The following ANKFN1 variants were observed in gnomAD, a reference collection of about 807,000 sequenced individuals.
ANKFN1 encodes the protein ankyrin repeat and fibronectin type-III domain-containing protein 1.
A neutral mutation model predicts 108.7 loss-of-function variants in ANKFN1; 74 were observed. The ratio of observed to expected loss-of-function variants is 0.68; its 90% CI spans 0.56 to 0.83. ANKFN1 has a LOEUF of 0.83. Ranked by LOEUF, ANKFN1 falls within the 40% of genes least tolerant of loss-of-function variation. The pLI is 0.00. For missense variants in ANKFN1, 1,505 were observed against 1,382.3 expected (o/e 1.09, Z -1.41); for synonymous variants, 547 against 516.2 (o/e 1.06, Z -0.81).
Position 56,456,653 on chromosome 17 carries a change from C to T in ANKFN1, c.1208-208C>T, listed in dbSNP as rs555590707. On this transcript the variant is annotated intron_variant, in intron 11 of 20. Coordinates refer to ENST00000682825, the MANE Select transcript of ANKFN1 (RefSeq NM_001370326.1). Reference sequence around the variant, plus strand: ...CCTCGTGATCCGCCCCCCTCGGCCTCCCAAAGTACTGGGATTACCAGCGAG... The same window carrying T: ...CCTCGTGATCCGCCCCCCTCGGCCTTCCAAAGTACTGGGATTACCAGCGAG... 2.0e-5 allele frequency among the ~76,000 whole-genome samples: 3 copies of T among 152,062 alleles called. No individual in the cohort carries two copies. In the East Asian group the frequency reaches 5.8e-4, roughly 30 times the overall value.
Position 56,091,609 on chromosome 17 carries a change from A to G in ANKFN1, c.288+45284A>G, listed in dbSNP as rs1242423741. Among the ~76,000 whole-genome samples the G allele has an allele frequency of 3.3e-5, 5 of 151,440 alleles. No homozygotes were observed. The East Asian group carries it at 9.6e-4, about 29-fold the overall frequency. Reference sequence around the variant, plus strand: ...TATCAAGAAATGTTTTTCTCTGAAAAGAAGTGAACACTGTGTTCAAAGCAT... The same window carrying G: ...TATCAAGAAATGTTTTTCTCTGAAAGGAAGTGAACACTGTGTTCAAAGCAT... On this transcript the variant is annotated intron_variant, in intron 4 of 12. Coordinates refer to the ANKFN1 transcript ENST00000635860.
rs1302949357 is a variant in ANKFN1, at chr17:56,440,423, T to C, written c.1007T>C (p.Met336Thr). Residue 336 changes from methionine to threonine, a missense_variant and splice_region_variant, in exon 9 of 21, where the codon ATG becomes ACG. By Grantham distance (81) the Met-to-Thr change is moderately conservative. Transcript: ENST00000682825. Reference sequence around the variant, plus strand: ...AGATGCACAATCACAGGACTTACAATGGTAAATGTCCCCAGTAGACTTTTC... The same window carrying C: ...AGATGCACAATCACAGGACTTACAACGGTAAATGTCCCCAGTAGACTTTTC... ...TLRCTITGLT[M>T]GQQYFVQVSA... 3.7e-6 allele frequency: 6 copies of C among 1,606,440 alleles called. No homozygotes were observed. The highest frequency in any genetic ancestry group is 5.1e-6 in the Non-Finnish European group (6 of 1,173,886).
intron 20 of ANKFN1, among the ~76,000 whole-genome samples, chr17:56,506,065 ATTTG>A (rs1567713827): frequency 6.6e-5 from 10 of 151,734 alleles, no homozygotes; most frequent in Non-Finnish European, 1.3e-4. Context: ...TTGTTTGTTT[ATTTG>A]TTTTTTATTA....
intron 4 of ANKFN1, among the ~76,000 whole-genome samples, chr17:56,081,359 T>A (rs1208663370): frequency 6.6e-6 from 1 of 150,652 alleles, no homozygotes. Context: ...TATTTATTAT[T>A]TTTATTTTTT....
intron 3 of ANKFN1, among the ~76,000 whole-genome samples, chr17:56,325,833 A>G (rs189582742): frequency 7.6e-4 from 115 of 152,316 alleles, no homozygotes; most frequent in African/African-American, 2.6e-3. Context: ...CTTGGATGCC[A>G]GACAATATTT....
chr17:56,451,281 C>T, intron 11 of ANKFN1, among the ~76,000 whole-genome samples: 1 of 152,130 alleles, frequency 6.6e-6, no homozygotes, highest in Non-Finnish European at 1.5e-5. Flanking sequence ...AACTTTTTCA[C>T]AGTATTAGTA....
chr17:56,505,257 G>A (rs2051515434), intron 20 of ANKFN1, among the ~76,000 whole-genome samples: 2 of 152,174 alleles, frequency 1.3e-5, no homozygotes, highest in Non-Finnish European at 2.9e-5. Context: ...GTTGCTTTTA[G>A]TATTATTTCT....
At chr17:56,243,039 T>G (rs1399174675) in intron 3 of ANKFN1, among the ~76,000 whole-genome samples, 2 of 152,162 alleles carry the variant, frequency 1.3e-5, no homozygotes, top group African/African-American at 2.4e-5. Context: ...TTTTTTAAAA[T>G]GTATTGCTAT....
intron 8 of ANKFN1, among the ~76,000 whole-genome samples, chr17:56,385,825 A>G (rs970213360): frequency 2.0e-5 from 3 of 152,124 alleles, no homozygotes; most frequent in African/African-American, 4.8e-5. Context: ...GAAACAACAG[A>G]TGCTGGAGAG....
At chr17:56,346,658 G>A (rs1177831842) in intron 4 of ANKFN1, among the ~76,000 whole-genome samples, 1 of 151,842 alleles carries the variant, frequency 6.6e-6, no homozygotes, top group Non-Finnish European at 1.5e-5. Flanking sequence ...AGCCATTTTT[G>A]CTATGGTTCT....
intron 4 of ANKFN1, among the ~76,000 whole-genome samples, chr17:56,114,870 G>A (rs1276998218): frequency 6.6e-6 from 1 of 152,222 alleles, no homozygotes; most frequent in Admixed American, 6.5e-5. Context: ...CAAGGTCAAT[G>A]TGCTTTGAAG....
intron 3 of ANKFN1, among the ~76,000 whole-genome samples, chr17:56,321,364 C>T (rs1053531778): frequency 3.3e-5 from 5 of 150,888 alleles, no homozygotes; most frequent in African/African-American, 1.2e-4. Context: ...GATTAGGGAA[C>T]GGAAGTAGGC....
chr17:56,223,611 A>G (rs1304939804), intron 2 of ANKFN1, among the ~76,000 whole-genome samples: 1 of 152,212 alleles, frequency 6.6e-6, no homozygotes, highest in African/African-American at 2.4e-5. Context: ...CCAAGGGATT[A>G]AAAAGCAACT....
intron 8 of ANKFN1, among the ~76,000 whole-genome samples, chr17:56,418,673 T>G (rs1395681190): frequency 6.6e-6 from 1 of 152,032 alleles, no homozygotes; most frequent in Non-Finnish European, 1.5e-5. Context: ...CTGAGGAAAC[T>G]GAGACCCAGA....
chr17:56,368,276 C>G (rs189309395), intron 6 of ANKFN1: 9 of 65,990 alleles, frequency 1.4e-4, no homozygotes, highest in Admixed American at 3.7e-4. Flanking sequence ...TGAAAATGAA[C>G]TTTTTTTTTT....
chr17:56,193,374 C>T, intron 1 of ANKFN1, among the ~76,000 whole-genome samples: 1 of 146,418 alleles, frequency 6.8e-6, no homozygotes, highest in Non-Finnish European at 1.5e-5. Context: ...GCACAATGTG[C>T]ACATGTACCC....
intron 1 of ANKFN1, among the ~76,000 whole-genome samples, chr17:56,157,882 T>C (rs551149206): frequency 6.6e-6 from 1 of 152,360 alleles, no homozygotes; most frequent in South Asian, 2.1e-4. Context: ...CCACTCCCGT[T>C]TTCAGGCTTA....
intron 11 of ANKFN1, 55 bp downstream of exon 11, chr17:56,449,241 AT>A: frequency 7.6e-7 from 1 of 1,308,498 alleles, no homozygotes; most frequent in Non-Finnish European, 1.0e-6. Flanking sequence ...GGCGCCGGTA[AT>A]TTTAGCAGTT....
intron 4 of ANKFN1, among the ~76,000 whole-genome samples, 173 bp from the exon 5 acceptor site, chr17:56,350,593 G>A (rs1236424595): frequency 6.6e-6 from 1 of 151,988 alleles, no homozygotes; most frequent in African/African-American, 2.4e-5. Context: ...CTTTCCCTGG[G>A]TTTCAGCTTT....
Sources: gnomAD v4.1 joint callset for allele counts (sites outside exome capture counted in the v4.1 genomes callset) on GRCh38, gnomAD v4.1.1 for gene constraint, MANE v1.5 for transcripts, NCBI Gene and HGNC (gene_info 2026-07-23, HGNC 2026-07-21) for gene names.